HECW1: variants seen among roughly 807,000 people sequenced by gnomAD.
The protein encoded by HECW1 is E3 ubiquitin-protein ligase HECW1.
A neutral mutation model predicts 182.3 loss-of-function variants in HECW1; 61 were observed. The ratio of observed to expected loss-of-function variants is 0.33; its 90% confidence interval spans 0.27 to 0.41. HECW1 has a LOEUF of 0.41. HECW1 is among the 10% of genes least tolerant of loss of function. The pLI, the probability that HECW1 is intolerant of heterozygous loss-of-function variation, is 1.00. For synonymous variants in HECW1, 859 were observed against 832.6 expected (o/e 1.03, Z -0.55); for missense variants, 1,739 against 2,108.9 (o/e 0.82, Z 3.44).
At chr7:43,373,840 C>G (rs2074214604) in intron 6 of HECW1, among the ~76,000 whole-genome samples, 1 of 152,178 alleles carries the variant, frequency 6.6e-6, no homozygotes, top group Non-Finnish European at 1.5e-5. Flanking sequence ...TACTTCCTGT[C>G]TCTAGGAATT....
At chr7:43,240,188 A>G (rs1798747794) in intron 2 of HECW1, among the ~76,000 whole-genome samples, 1 of 152,114 alleles carries the variant, frequency 6.6e-6, no homozygotes, top group Non-Finnish European at 1.5e-5. Context: ...TAAAAATACA[A>G]AAAGCCAGGC....
intron 3 of HECW1, among the ~76,000 whole-genome samples, chr7:43,252,204 C>T (rs775334206): frequency 2.0e-5 from 3 of 152,162 alleles, no homozygotes; most frequent in Non-Finnish European, 4.4e-5. Context: ...TTTCTCTGGG[C>T]AATGCCTTCC....
At position 43,555,989 on chromosome 7, in the gene HECW1, G is replaced by C. The variant is rs142005175; in HGVS notation, c.4709+1199G>C. Among the ~76,000 whole-genome samples, 753 of 152,346 alleles carry C rather than the reference G, an allele frequency of 4.9e-3. 10 individuals are homozygous for C. Among genetic ancestry groups the C allele is most frequent in the African/African-American group, 0.017 (714 of 41,580 alleles). On this transcript the variant is annotated intron_variant, in intron 29 of 29. Transcript: ENST00000395891. ...AAATGCAGCTTGAGTCATCACTGAT[G>C]ATAGCATGCAGCTTGAGGAGGGGCT...
chr7:43,207,420 A>C (rs565037103), intron 2 of HECW1, among the ~76,000 whole-genome samples: 16 of 152,332 alleles, frequency 1.1e-4, no homozygotes, highest in African/African-American at 3.8e-4. Flanking sequence ...TGATGCAATC[A>C]AGGTAATTAG....
At chr7:43,113,869 G>T (rs536052464) in intron 1 of HECW1, 4 of 234,378 alleles carry the variant, frequency 1.7e-5, no homozygotes, top group South Asian at 3.4e-4. Flanking sequence ...CATGATGCGC[G>T]GTGTCTCTGT....
chr7:43,486,580 C>T (rs796721526), intron 17 of HECW1, among the ~76,000 whole-genome samples: 13 of 152,324 alleles, frequency 8.5e-5, no homozygotes, highest in African/African-American at 2.2e-4. Flanking sequence ...GGATTACAGG[C>T]GTGAGCCACC....
chr7:43,254,645 G>A (rs2152728352), intron 3 of HECW1, among the ~76,000 whole-genome samples: 1 of 152,312 alleles, frequency 6.6e-6, no homozygotes, highest in African/African-American at 2.4e-5. Flanking sequence ...TGTCAGCAGA[G>A]AGTTCAGCCT....
At chr7:43,190,892 T>C (rs530833966) in intron 2 of HECW1, among the ~76,000 whole-genome samples, 1 of 152,326 alleles carries the variant, frequency 6.6e-6, no homozygotes, top group African/African-American at 2.4e-5. Context: ...TGACTTCATA[T>C]CAAATCCCAA....
At position 43,293,182 on chromosome 7, in the gene HECW1, T is replaced by A. The variant is rs537498719; in HGVS notation, c.28-18581T>A. 6.7e-5 allele frequency among the ~76,000 whole-genome samples: 9 copies of A among 135,218 alleles called. No homozygotes were observed. In the Admixed American group the frequency reaches 6.7e-4, roughly 10 times the overall value. The allele number at this position is 135,218 out of a possible 152,430, so 88.7% of individuals were successfully genotyped here. On this transcript the variant is annotated intron_variant, in intron 3 of 29. Coordinates refer to ENST00000395891, the MANE Select transcript of HECW1 (RefSeq NM_015052.5). ...TTGCAGTAAGCCGAGATTGTGCCAC[T>A]GCGCTCCAGCCTGGGCGACACAGCG... is the stretch of plus-strand genomic sequence containing the variant.
In HECW1 at chr7:43,396,814, A is replaced by T. The variant is rs1218367689; in HGVS notation, c.556A>T (p.Ile186Phe). The T allele has an allele frequency of 6.2e-7, 1 of 1,610,282 alleles. No individual in the cohort carries two copies. The highest frequency in any genetic ancestry group is 2.2e-5 in the East Asian group (1 of 44,840). Residue 186 changes from isoleucine (I) to phenylalanine (F), a missense_variant and splice_region_variant, in exon 7 of 30, where the codon ATT becomes TTT. Coordinates refer to ENST00000395891, the MANE Select transcript of HECW1 (RefSeq NM_015052.5). ...SVTVKNSAAP[I>F]FKSIGADETV... ...TCTCCCATTTTCCTTCTTTTTACAG[A>T]TTTTTAAAAGCATTGGTGCTGATGA...
intron 8 of HECW1, among the ~76,000 whole-genome samples, chr7:43,412,102 C>T (rs2075820482): frequency 6.6e-6 from 1 of 152,070 alleles, no homozygotes; most frequent in African/African-American, 2.4e-5. Context: ...TTTTTAGGTA[C>T]ACGGCTTTGC....
chr7:43,552,232 C>G lies in HECW1; in HGVS notation c.4406C>G (p.Ser1469Trp). ...LVRGFYEVVD[S>W]RLVSVFDARE... ...TAACCTGCATTTCAGGTTGTAGACTCGAGGCTGGTGTCCGTGTTTGATGCC... is the reference window on the plus strand; with the variant it reads ...TAACCTGCATTTCAGGTTGTAGACTGGAGGCTGGTGTCCGTGTTTGATGCC... The change falls in exon 28 of 30, where the codon TCG (serine) becomes TGG (tryptophan). Residue 1469 changes from serine (S) to tryptophan (W), a missense_variant. Ser to Trp is a radical substitution (Grantham distance 177, BLOSUM62 -3). Coordinates refer to ENST00000395891, the MANE Select transcript of HECW1 (RefSeq NM_015052.5). 6.2e-7 allele frequency: 1 copy of G among 1,612,044 alleles called. No individual in the cohort carries two copies. Among genetic ancestry groups the G allele is most frequent in the Non-Finnish European group, 8.5e-7 (1 of 1,178,122 alleles).
intron 5 of HECW1, among the ~76,000 whole-genome samples, chr7:43,345,555 C>A (rs1295270205): frequency 6.6e-6 from 1 of 152,002 alleles, no homozygotes; most frequent in Non-Finnish European, 1.5e-5. Flanking sequence ...CCACAACATA[C>A]CTGTAGTCTT....
chr7:43,153,367 C>CT (rs973103981), intron 2 of HECW1, among the ~76,000 whole-genome samples: 23 of 152,130 alleles, frequency 1.5e-4, no homozygotes, highest in Middle Eastern at 3.2e-3. Context: ...TATCCGTGAA[C>CT]TTTGGGGTAA....
intron 12 of HECW1, among the ~76,000 whole-genome samples, chr7:43,455,829 G>C (rs1449695127): frequency 6.6e-6 from 1 of 151,816 alleles, no homozygotes; most frequent in East Asian, 1.9e-4. Flanking sequence ...GTGAAACCCT[G>C]TCTCTACTAA....
intron 2 of HECW1, among the ~76,000 whole-genome samples, chr7:43,136,423 C>T (rs78134133): frequency 6.6e-6 from 1 of 152,302 alleles, no homozygotes; most frequent in East Asian, 1.9e-4. Flanking sequence ...CCAATTCCAG[C>T]CCCAGGGCTG....
intron 6 of HECW1, among the ~76,000 whole-genome samples, chr7:43,363,437 T>C (rs1353844312): frequency 6.6e-6 from 1 of 152,226 alleles, no homozygotes; most frequent in African/African-American, 2.4e-5. Flanking sequence ...TTTTGACATA[T>C]TGCTGTCACC....
chr7:43,214,894 C>A (rs1428935421), intron 2 of HECW1, among the ~76,000 whole-genome samples: 1 of 152,178 alleles, frequency 6.6e-6, no homozygotes, highest in Admixed American at 6.5e-5. Flanking sequence ...ATTGGCTGAA[C>A]CCAGCTGGGA....
At chr7:43,160,647 T>C in intron 2 of HECW1, among the ~76,000 whole-genome samples, 1 of 152,206 alleles carries the variant, frequency 6.6e-6, no homozygotes, top group Non-Finnish European at 1.5e-5. Context: ...GTGGTTCTGG[T>C]CCAGAACCAC....
Sources: allele counts gnomAD v4.1 joint callset (sites outside exome capture counted in the v4.1 genomes callset), GRCh38; gene constraint gnomAD v4.1.1; transcripts MANE v1.5; gene names NCBI Gene and HGNC (gene_info 2026-07-23, HGNC 2026-07-21).